Variants in ZNF536 observed in about 807,000 individuals in gnomAD.
ZNF536 encodes the protein zinc finger protein 536.
Under a neutral mutation model 84.5 loss-of-function variants are expected in ZNF536, and 13 were observed. The ratio of observed to expected loss-of-function variants is 0.15; its 90% CI spans 0.10 to 0.24. ZNF536 has a LOEUF of 0.24. ZNF536 is among the 10% of genes least tolerant of loss of function. The pLI is 1.00. For synonymous variants in ZNF536, 811 were observed against 742.5 expected (o/e 1.09, Z -1.50); for missense variants, 1,536 against 1,747.5 (o/e 0.88, Z 2.16).
At chr19:30,374,885 C>A (rs1419889538) in intron 1 of ZNF536, among the ~76,000 whole-genome samples, 1 of 151,588 alleles carries the variant, frequency 6.6e-6, no homozygotes, top group Non-Finnish European at 1.5e-5. Context: ...GGGGCGCCTG[C>A]CGCCCGCGAG....
chr19:30,322,322 A>T (rs2046884493), intron 2 of ZNF536, among the ~76,000 whole-genome samples: 1 of 152,186 alleles, frequency 6.6e-6, no homozygotes, highest in Non-Finnish European at 1.5e-5. Context: ...TACTATGATG[A>T]TCATCTTTGT....
At chr19:30,680,498 C>T (rs1208867861) in intron 1 of ZNF536, among the ~76,000 whole-genome samples, 5 of 146,392 alleles carry the variant, frequency 3.4e-5, no homozygotes, top group African/African-American at 5.1e-5. Flanking sequence ...TGAGAATATG[C>T]GGTGTTTGGT....
At chr19:30,602,532 C>G (rs763252783) in intron 1 of ZNF536, among the ~76,000 whole-genome samples, 45 of 152,176 alleles carry the variant, frequency 3.0e-4, no homozygotes, top group Non-Finnish European at 5.3e-4. Flanking sequence ...TATTGTTATT[C>G]TCTCCAAGAG....
intron 1 of ZNF536, among the ~76,000 whole-genome samples, chr19:30,276,388 G>A (rs996513126): frequency 6.6e-6 from 1 of 152,082 alleles, no homozygotes; most frequent in African/African-American, 2.4e-5. Flanking sequence ...TTATTATACT[G>A]GGAAAGTTTT....
chr19:30,624,313 G>T (rs1191435436), intron 1 of ZNF536, among the ~76,000 whole-genome samples: 1 of 152,102 alleles, frequency 6.6e-6, no homozygotes, highest in African/African-American at 2.4e-5. Flanking sequence ...CCACTGTGAG[G>T]ACCTGTGCCT....
intron 1 of ZNF536, among the ~76,000 whole-genome samples, chr19:30,267,641 C>A (rs2060030477): frequency 6.6e-6 from 1 of 152,110 alleles, no homozygotes; most frequent in African/African-American, 2.4e-5. Context: ...CCGTCCTGTC[C>A]TCTGTGGGTG....
At chr19:30,674,855 G>T (rs1303373347) in intron 1 of ZNF536, among the ~76,000 whole-genome samples, 1 of 152,118 alleles carries the variant, frequency 6.6e-6, no homozygotes, top group East Asian at 1.9e-4. Flanking sequence ...GCTCAGAGAT[G>T]GTCCTTCCAG....
rs138787358 is a variant in ZNF536 at position 30,285,203 on chromosome 19, A to G, written c.-120+1062A>G. Among the ~76,000 whole-genome samples the G allele has an allele frequency of 1.8e-3, 275 of 152,374 alleles. 1 individual carries two copies. In the East Asian group the frequency reaches 0.043, roughly 24 times the overall value. On this transcript the variant is annotated intron_variant, in intron 2 of 5. Coordinates refer to the ZNF536 transcript ENST00000585628. Reference sequence around the variant, plus strand: ...ATCTACCAAATTCATAGCTTCCTATAATATTTTTGTTGAAAGACAGGATTA... The same window carrying G: ...ATCTACCAAATTCATAGCTTCCTATGATATTTTTGTTGAAAGACAGGATTA...
At chr19:30,275,415 TG>T (rs2026072599) in intron 1 of ZNF536, among the ~76,000 whole-genome samples, 5 of 152,196 alleles carry the variant, frequency 3.3e-5, no homozygotes, top group Non-Finnish European at 7.3e-5. Context: ...GCTCTGTGCG[TG>T]CTCCTGAGGA....
At chr19:30,330,166 A>C (rs2047164190) in intron 2 of ZNF536, among the ~76,000 whole-genome samples, 1 of 152,214 alleles carries the variant, frequency 6.6e-6, no homozygotes, top group South Asian at 2.1e-4. Context: ...TAGATCACAT[A>C]CTTTATTCAT....
intron 2 of ZNF536, among the ~76,000 whole-genome samples, chr19:30,296,802 A>G (rs2046010902): frequency 6.6e-6 from 1 of 152,198 alleles, no homozygotes; most frequent in South Asian, 2.1e-4. Context: ...GTGGTCTTCC[A>G]AGCAGCATCT....
chr19:30,658,331 C>T (rs939841043), intron 1 of ZNF536, among the ~76,000 whole-genome samples: 1 of 152,040 alleles, frequency 6.6e-6, no homozygotes, highest in African/African-American at 2.4e-5. Flanking sequence ...CTTTCTGTTC[C>T]CGCTTGATTA....
chr19:30,570,837 T>C (rs2046519997), intron 1 of ZNF536, among the ~76,000 whole-genome samples: 1 of 152,250 alleles, frequency 6.6e-6, no homozygotes, highest in African/African-American at 2.4e-5. Flanking sequence ...TAGCGTTCGC[T>C]GCTGATAGCA....
intron 1 of ZNF536, among the ~76,000 whole-genome samples, chr19:30,631,933 A>G (rs781438534): frequency 6.6e-6 from 1 of 152,192 alleles, no homozygotes. Flanking sequence ...GACTCACTGC[A>G]CCAAGAGGTG....
At chr19:30,244,116 G>A (rs1187220802) in intron 1 of ZNF536, among the ~76,000 whole-genome samples, 1 of 152,070 alleles carries the variant, frequency 6.6e-6, no homozygotes, top group Non-Finnish European at 1.5e-5. Flanking sequence ...TCCAAGTACC[G>A]ATTGTCAGTT....
intron 3 of ZNF536, among the ~76,000 whole-genome samples, chr19:30,354,412 G>C (rs2048029986): frequency 6.6e-6 from 1 of 152,160 alleles, no homozygotes; most frequent in African/African-American, 2.4e-5. Context: ...CTGTCACCCA[G>C]GCTGGAGGGC....
chr19:30,412,958 A>AT, intron 1 of ZNF536, among the ~76,000 whole-genome samples: 1 of 151,882 alleles, frequency 6.6e-6, no homozygotes, highest in South Asian at 2.1e-4. Context: ...ATATCTGATA[A>AT]TTTTTTTAGA....
intron 2 of ZNF536, among the ~76,000 whole-genome samples, chr19:30,531,832 C>T (rs1254912565): frequency 3.3e-5 from 5 of 152,052 alleles, no homozygotes; most frequent in African/African-American, 9.7e-5. Context: ...GCCATGTTGC[C>T]CAGGCTGGTC....
chr19:30,550,775 C>T (rs1321867636), intron 4 of ZNF536, among the ~76,000 whole-genome samples: 1 of 152,012 alleles, frequency 6.6e-6, no homozygotes, highest in African/African-American at 2.4e-5. Flanking sequence ...CCTCTTCTTC[C>T]CTAATTCACT....
Sources: allele counts gnomAD v4.1 joint callset (sites outside exome capture counted in the v4.1 genomes callset), GRCh38; gene constraint gnomAD v4.1.1; transcripts MANE v1.5; gene names NCBI Gene and HGNC (gene_info 2026-07-23, HGNC 2026-07-21).